PICALM: variants seen among roughly 807,000 people sequenced by gnomAD.
PICALM encodes the protein phosphatidylinositol binding clathrin assembly protein.
A neutral mutation model predicts 80.5 loss-of-function variants in PICALM; 40 were observed. The ratio of observed to expected loss-of-function variants is 0.50; its 90% confidence interval spans 0.39 to 0.65. The LOEUF is 0.65. PICALM is among the 30% of genes least tolerant of loss of function. The pLI is 0.00. For synonymous variants in PICALM, 288 were observed against 260.3 expected (o/e 1.11, Z -1.02); for missense variants, 676 against 778.9 (o/e 0.87, Z 1.57).
intron 19 of PICALM, among the ~76,000 whole-genome samples, chr11:85,961,171 C>T (rs1468902036): frequency 6.6e-6 from 1 of 152,200 alleles, no homozygotes; most frequent in Non-Finnish European, 1.5e-5. Context: ...TCCAGGCTAT[C>T]TGTCCAAAGC....
intron 7 of PICALM, among the ~76,000 whole-genome samples, chr11:86,009,548 C>T (rs1007026440): frequency 2.0e-5 from 3 of 151,164 alleles, no homozygotes; most frequent in African/African-American, 4.9e-5. Flanking sequence ...AAAAATTAGC[C>T]GGGTGTGGTG....
Position 86,042,035 on chromosome 11 carries a change from C to T in PICALM, c.131-10424G>A, listed in dbSNP as rs538943761. On this transcript the variant is annotated intron_variant, in intron 1 of 19. Transcript: ENST00000393346. Reference sequence around the variant, plus strand: ...AATATAAGAAAGTGTAAACCTAGAGCTTTCCGTTGGCATTCTGGTAAACTC... The same window carrying T: ...AATATAAGAAAGTGTAAACCTAGAGTTTTCCGTTGGCATTCTGGTAAACTC... Among the ~76,000 whole-genome samples the T allele has an allele frequency of 3.3e-5, 5 of 152,270 alleles. No homozygotes were observed. The East Asian group carries it at 5.8e-4, about 18-fold the overall frequency.
At chr11:86,027,639 C>A (rs2095670458) in intron 2 of PICALM, among the ~76,000 whole-genome samples, 1 of 151,868 alleles carries the variant, frequency 6.6e-6, no homozygotes, top group African/African-American at 2.4e-5. Flanking sequence ...CCACCCCTCA[C>A]CCTCGCCCCC....
chr11:86,068,670 G>A lies in PICALM; in HGVS notation c.111C>T (p.Pro37=). The change falls in exon 1 of 20, where the codon CCC becomes CCT. Residue 37 remains proline (P), a synonymous_variant. Coordinates refer to ENST00000393346, the MANE Select transcript of PICALM (RefSeq NM_007166.4). ...CKATTHEIMG[P]KKKHLDYLIQ... is the part of the protein sequence containing the mutation. ...ACTCACAGTCCAGGTGCTTTTTCTT[G>A]GGCCCCATGATCTCGTGGGTCGTGG... 3 of 1,612,968 alleles carry A rather than the reference G, an allele frequency of 1.9e-6. No individual in the cohort carries two copies. Among genetic ancestry groups the A allele is most frequent in the East Asian group, 2.2e-5 (1 of 44,828 alleles).
chr11:86,055,349 A>C (rs1001311117), intron 1 of PICALM, among the ~76,000 whole-genome samples: 1 of 152,050 alleles, frequency 6.6e-6, no homozygotes, highest in Non-Finnish European at 1.5e-5. Context: ...AAAAGATACC[A>C]TGGAAACATA....
chr11:85,970,435 A>G (rs975737398), intron 19 of PICALM, among the ~76,000 whole-genome samples: 1 of 152,232 alleles, frequency 6.6e-6, no homozygotes, highest in African/African-American at 2.4e-5. Context: ...ACTCATTATT[A>G]CTCTTATAAA....
rs528853247 is a variant in PICALM, at chr11:85,988,135, T to A, written c.1408+2115A>T. The stretch of plus-strand genomic sequence containing the variant: ...ATAACTACTATGCACACAGAAAATA[T>A]CAGCTGGACTTTTGAGGTTTTATTG... On this transcript the variant is annotated intron_variant, in intron 13 of 19. Coordinates refer to ENST00000393346, the MANE Select transcript of PICALM (RefSeq NM_007166.4). Among the ~76,000 whole-genome samples the A allele has an allele frequency of 2.0e-5, 3 of 152,334 alleles. 1 individual carries two copies. The highest frequency in any genetic ancestry group is 2.0e-4 in the Admixed American group (3 of 15,302).
chr11:86,038,553 C>T (rs1237328446), intron 1 of PICALM, among the ~76,000 whole-genome samples: 2 of 151,346 alleles, frequency 1.3e-5, no homozygotes, highest in Admixed American at 6.6e-5. Flanking sequence ...GAGACCGAGG[C>T]GGGTGGATCA....
Position 86,000,700 on chromosome 11 carries a change from CCTG to C in PICALM, c.1094_1096del (p.Ala365del), listed in dbSNP as rs770632427. On this transcript the variant is annotated inframe_deletion, in exon 11 of 20. Coordinates refer to ENST00000393346, the MANE Select transcript of PICALM (RefSeq NM_007166.4). The stretch of plus-strand genomic sequence containing the variant: ...AATGGCTGGTGCAGTCATTATCCCT[CCTG>C]CTGAGGTGGATACAGGAGAGGCTGC... The C allele has an allele frequency of 6.2e-7, 1 of 1,612,574 alleles. No homozygotes were observed. The highest frequency in any genetic ancestry group is 8.5e-7 in the Non-Finnish European group (1 of 1,179,638).
intron 13 of PICALM, among the ~76,000 whole-genome samples, chr11:85,989,483 C>G (rs555910508): frequency 1.3e-5 from 2 of 152,126 alleles, no homozygotes; most frequent in Non-Finnish European, 2.9e-5. Flanking sequence ...TTTCTCTGAA[C>G]TGAACAAAAG....
At chr11:85,991,286 AG>A (rs1303504678) in intron 12 of PICALM, among the ~76,000 whole-genome samples, 6 of 152,188 alleles carry the variant, frequency 3.9e-5, no homozygotes, top group Non-Finnish European at 7.4e-5. Context: ...AATTAAAATA[AG>A]AGGATACTCC....
At chr11:85,982,090 T>C (rs1427202495) in intron 14 of PICALM, 87 bp from the exon 15 acceptor site, 2 of 1,209,098 alleles carry the variant, frequency 1.7e-6, no homozygotes, top group East Asian at 2.3e-5. Flanking sequence ...CTTTTCTCCT[T>C]GTTTATTCAC....
chr11:86,022,244 A>G (rs2095576773), intron 4 of PICALM, 123 bp downstream of exon 4: 8 of 603,180 alleles, frequency 1.3e-5, no homozygotes, highest in Non-Finnish European at 2.0e-5. Context: ...ATACCTCATC[A>G]AAGAAAAATG....
intron 12 of PICALM, among the ~76,000 whole-genome samples, chr11:85,995,180 T>A (rs1372257999): frequency 6.6e-6 from 1 of 152,226 alleles, no homozygotes; most frequent in Non-Finnish European, 1.5e-5. Flanking sequence ...ACCTTGTTTA[T>A]CACCAACTCA....
At chr11:85,995,805 T>G in intron 12 of PICALM, among the ~76,000 whole-genome samples, 1 of 152,312 alleles carries the variant, frequency 6.6e-6, no homozygotes. Flanking sequence ...TTCTTAATCT[T>G]AATTTACTAT....
intron 4 of PICALM, among the ~76,000 whole-genome samples, chr11:86,019,044 G>A (rs982373822): frequency 2.0e-5 from 3 of 151,860 alleles, no homozygotes; most frequent in Non-Finnish European, 2.9e-5. Context: ...CTATTTACTC[G>A]CACAGAAAAG....
rs1592342506 is a variant in PICALM, at chr11:85,968,359, C to A, written c.1944+6349G>T. Among the ~76,000 whole-genome samples the A allele has an allele frequency of 3.3e-5, 5 of 152,072 alleles. No homozygotes were observed. The South Asian group carries it at 1.0e-3, about 32-fold the overall frequency. ...ACAGTTAATTTTAAAATTAAATGCC[C>A]AAAGGTAATACTCTGTATTTTTCAT... On this transcript the variant is annotated intron_variant, in intron 19 of 19. Transcript: ENST00000393346.
At chr11:86,020,582 C>T (rs2095548559) in intron 4 of PICALM, among the ~76,000 whole-genome samples, 1 of 152,154 alleles carries the variant, frequency 6.6e-6, no homozygotes, top group Non-Finnish European at 1.5e-5. Flanking sequence ...TAAACCTTTA[C>T]ATTTATGGTC....
intron 9 of PICALM, among the ~76,000 whole-genome samples, chr11:86,003,157 T>C (rs1310847266): frequency 2.0e-5 from 3 of 152,246 alleles, no homozygotes; most frequent in Admixed American, 6.5e-5. Context: ...CTGACATTTA[T>C]TGAAGGTCAG....
Sources: gnomAD v4.1 joint callset for allele counts (sites outside exome capture counted in the v4.1 genomes callset) on GRCh38, gnomAD v4.1.1 for gene constraint, MANE v1.5 for transcripts, NCBI Gene and HGNC (gene_info 2026-07-23, HGNC 2026-07-21) for gene names.